The following SEMA3E variants were observed in gnomAD, a reference collection of about 807,000 sequenced individuals.
SEMA3E encodes the protein semaphorin 3E.
Under a neutral mutation model 93.6 loss-of-function variants are expected in SEMA3E, and 49 were observed. That is an observed-to-expected ratio of 0.52 (90% CI 0.42 to 0.66). SEMA3E has a LOEUF of 0.66. SEMA3E is among the 30% of genes least tolerant of loss of function. The pLI, the probability that SEMA3E is intolerant of heterozygous loss-of-function variation, is 0.00. For missense variants in SEMA3E, 906 were observed against 964.8 expected, an observed-to-expected ratio of 0.94 and a Z score of 0.81; for synonymous variants, 363 against 330.7, an observed-to-expected ratio of 1.10 and a Z score of -1.06.
chr7:83,450,913 G>C (rs1789346414), intron 4 of SEMA3E, among the ~76,000 whole-genome samples: 1 of 152,154 alleles, frequency 6.6e-6, no homozygotes, highest in Non-Finnish European at 1.5e-5. Flanking sequence ...TGTCAGGAGA[G>C]GGGGCAATAA....
intron 1 of SEMA3E, among the ~76,000 whole-genome samples, chr7:83,491,045 G>A (rs1029586472): frequency 2.6e-5 from 4 of 152,096 alleles, no homozygotes; most frequent in Non-Finnish European, 5.9e-5. Context: ...GACTCTGGAT[G>A]CTAAAGAATT....
At chr7:83,469,445 G>A (rs1247776458) in intron 2 of SEMA3E, 143 bp from the exon 3 acceptor site, 1 of 583,342 alleles carries the variant, frequency 1.7e-6, no homozygotes, top group African/African-American at 2.2e-5. Context: ...GGGTCTTTGT[G>A]TTATTCACAG....
At chr7:83,412,701 G>T (rs1788464149) in intron 5 of SEMA3E, among the ~76,000 whole-genome samples, 1 of 151,024 alleles carries the variant, frequency 6.6e-6, no homozygotes, top group Non-Finnish European at 1.5e-5. Flanking sequence ...GGTAGAGGCT[G>T]CAGTGAACTA....
intron 1 of SEMA3E, among the ~76,000 whole-genome samples, chr7:83,511,451 G>T (rs1396190109): frequency 1.3e-5 from 2 of 152,098 alleles, no homozygotes; most frequent in Non-Finnish European, 2.9e-5. Flanking sequence ...TTTTCAGAAG[G>T]TCTGAGGTGA....
At chr7:83,623,740 CT>C (rs925550067) in intron 1 of SEMA3E, among the ~76,000 whole-genome samples, 21 of 151,684 alleles carry the variant, frequency 1.4e-4, no homozygotes, top group African/African-American at 4.6e-4. Flanking sequence ...TGTTTCATTT[CT>C]TTTTTTTCCT....
At chr7:83,455,318 C>T (rs1201021518) in intron 4 of SEMA3E, among the ~76,000 whole-genome samples, 6 of 152,116 alleles carry the variant, frequency 3.9e-5, no homozygotes, top group Non-Finnish European at 1.5e-5. Flanking sequence ...CTGCAGATGG[C>T]CCACACATTC....
rs181773209 is a variant in SEMA3E, at chr7:83,510,401, A to G, written c.116-20127T>C. Among the ~76,000 whole-genome samples the G allele has an allele frequency of 4.6e-5, 7 of 152,292 alleles. No individual in the cohort carries two copies. The South Asian group carries it at 6.2e-4, about 14-fold the overall frequency. On this transcript the variant is annotated intron_variant, in intron 1 of 16. Transcript: ENST00000643230. ...CTGTATTGTGTATTGTAAGCTTCTC[A>G]TATTTCTAGAGGTTTCACACATTTA... is the stretch of plus-strand genomic sequence containing the variant.
chr7:83,531,515 G>A (rs1326475333), intron 1 of SEMA3E, among the ~76,000 whole-genome samples: 3 of 151,722 alleles, frequency 2.0e-5, no homozygotes, highest in Non-Finnish European at 4.4e-5. Context: ...ACCATGCCCA[G>A]TGAATTTTTG....
At chr7:83,508,790 G>A (rs1424305111) in intron 1 of SEMA3E, among the ~76,000 whole-genome samples, 1 of 152,118 alleles carries the variant, frequency 6.6e-6, no homozygotes, top group Non-Finnish European at 1.5e-5. Context: ...TAAATTTTAT[G>A]CACAGTGGCA....
Position 83,380,169 on chromosome 7 carries a change from TG to T in SEMA3E, c.1875+5124del, listed in dbSNP as rs776790745. Among the ~76,000 whole-genome samples, 127 of 151,790 alleles carry T rather than the reference TG, an allele frequency of 8.4e-4. 1 individual carries two copies. Among genetic ancestry groups the T allele is most frequent in the East Asian group, 4.7e-3 (24 of 5,150 alleles). On this transcript the variant is annotated intron_variant, in intron 16 of 16. Transcript: ENST00000643230. ...CACACAGACACTCAAACAATAAACA[TG>T]TGAATATTTTGTGATTGCTTCTCTT...
chr7:83,449,395 T>G (rs1381711794), intron 4 of SEMA3E, among the ~76,000 whole-genome samples: 1 of 152,026 alleles, frequency 6.6e-6, no homozygotes, highest in African/African-American at 2.4e-5. Context: ...CCACCTCAAC[T>G]GGCCTAATTT....
intron 16 of SEMA3E, among the ~76,000 whole-genome samples, chr7:83,369,064 T>G (rs775168309): frequency 6.6e-6 from 1 of 152,190 alleles, no homozygotes; most frequent in African/African-American, 2.4e-5. Flanking sequence ...CTTTCTACTA[T>G]ACATTCATCT....
At position 83,644,181 on chromosome 7, in the gene SEMA3E, T is replaced by C. The variant is rs563147040; in HGVS notation, c.115+4247A>G. Among the ~76,000 whole-genome samples, 3 of 139,054 alleles carry C rather than the reference T, an allele frequency of 2.2e-5. No homozygotes were observed. In the South Asian group the frequency reaches 7.0e-4, roughly 32 times the overall value. 91.2% of individuals were successfully genotyped at this position (139,054 alleles called of 152,430 possible). A position where few individuals can be genotyped will look rare whatever the true frequency, so the allele number is the denominator to read the frequency against. On this transcript the variant is annotated intron_variant, in intron 1 of 16. Coordinates refer to ENST00000643230, the MANE Select transcript of SEMA3E (RefSeq NM_012431.3). ...AGAGTGAATACATGTAACAAATCGA[T>C]ATGTGTACACTACAGCAAAAAAAAA... is the stretch of plus-strand genomic sequence containing the variant.
intron 1 of SEMA3E, among the ~76,000 whole-genome samples, chr7:83,588,274 C>A (rs139800652): frequency 0.018 from 2,721 of 151,786 alleles, 83 homozygotes; most frequent in African/African-American, 0.061. Flanking sequence ...CCCAGCTACT[C>A]GGAGGCTGAG....
Position 83,386,954 on chromosome 7 carries a change from C to T in SEMA3E, c.1735+29G>A, listed in dbSNP as rs745386711. ...TATGTTCAATGTATTCTCTGAGTAA[C>T]CCAGAACAACTGATTTTCTATGGAT... On this transcript the variant is annotated intron_variant, in intron 15 of 16. Coordinates refer to ENST00000643230, the MANE Select transcript of SEMA3E (RefSeq NM_012431.3). The T allele has an allele frequency of 4.4e-6, 7 of 1,601,894 alleles. No individual in the cohort carries two copies. The East Asian group carries it at 1.3e-4, about 31-fold the overall frequency.
At chr7:83,562,889 C>T (rs948852458) in intron 1 of SEMA3E, among the ~76,000 whole-genome samples, 15 of 152,092 alleles carry the variant, frequency 9.9e-5, no homozygotes, top group Admixed American at 6.6e-4. Context: ...ATAAAGCTAC[C>T]TTCAGTGGCA....
chr7:83,506,861 T>C (rs1290962714), intron 1 of SEMA3E, among the ~76,000 whole-genome samples: 1 of 152,240 alleles, frequency 6.6e-6, no homozygotes, highest in Non-Finnish European at 1.5e-5. Context: ...AAATGTCTAT[T>C]ATAGAACTCA....
chr7:83,639,132 A>C (rs1316654953), intron 1 of SEMA3E, among the ~76,000 whole-genome samples: 3 of 141,644 alleles, frequency 2.1e-5, no homozygotes, highest in South Asian at 4.4e-4. Context: ...AAAAAAAAAA[A>C]AAAAAAAACA....
In SEMA3E at chr7:83,454,284, T is replaced by C. The variant is rs923305565; in HGVS notation, c.456+12198A>G. Among the ~76,000 whole-genome samples, 43 of 126,448 alleles carry C rather than the reference T, an allele frequency of 3.4e-4. 1 individual carries two copies. The highest frequency in any genetic ancestry group is 1.2e-3 in the African/African-American group (41 of 35,024). 83.0% of individuals were successfully genotyped at this position (126,448 alleles called of 152,430 possible). On this transcript the variant is annotated intron_variant, in intron 4 of 16. Transcript: ENST00000643230. Reference sequence around the variant, plus strand: ...AAAAAAAAAAAAAAATATATATATATATATATATATATAATGTGTGTATAT... The same window carrying C: ...AAAAAAAAAAAAAAATATATATATACATATATATATATAATGTGTGTATAT...
Sources: allele counts gnomAD v4.1 joint callset (sites outside exome capture counted in the v4.1 genomes callset), GRCh38; gene constraint gnomAD v4.1.1; transcripts MANE v1.5; gene names NCBI Gene and HGNC (gene_info 2026-07-23, HGNC 2026-07-21).